The following KIZ variants were observed in gnomAD, a reference collection of about 807,000 sequenced individuals.
The protein encoded by KIZ is centrosomal protein kizuna.
Under a neutral mutation model 79.6 loss-of-function variants are expected in KIZ, and 68 were observed. The ratio of observed to expected loss-of-function variants is 0.85; its 90% CI spans 0.70 to 1.05. The LOEUF is 1.05. Ranked by LOEUF, KIZ falls within the 50% of genes least tolerant of loss-of-function variation. The pLI, the probability that KIZ is intolerant of heterozygous loss-of-function variation, is 0.00. For missense variants in KIZ, 797 were observed against 800.4 expected, an observed-to-expected ratio of 1.00 and a Z score of 0.05; for synonymous variants, 280 against 281.8, an observed-to-expected ratio of 0.99 and a Z score of 0.06.
chr20:21,240,620 C>T (rs1482487561), intron 11 of KIZ, among the ~76,000 whole-genome samples: 2 of 152,232 alleles, frequency 1.3e-5, no homozygotes, highest in African/African-American at 4.8e-5. Flanking sequence ...AAGGCAGGCT[C>T]TCTGGCTTGC....
intron 6 of KIZ, among the ~76,000 whole-genome samples, chr20:21,184,420 G>T (rs749896565): frequency 1.6e-4 from 24 of 152,212 alleles, no homozygotes; most frequent in Non-Finnish European, 2.9e-4. Context: ...AAAGGGCTGG[G>T]ATTACAGGCG....
At chr20:21,233,560 T>C (rs1212941370) in intron 11 of KIZ, among the ~76,000 whole-genome samples, 2 of 152,220 alleles carry the variant, frequency 1.3e-5, no homozygotes, top group Non-Finnish European at 2.9e-5. Context: ...GCAACTTTCC[T>C]TTTGGAACAG....
In KIZ at chr20:21,212,220, C is replaced by A. The variant is rs190953126; in HGVS notation, c.1447-2315C>A. On this transcript the variant is annotated intron_variant, in intron 7 of 12. Coordinates refer to ENST00000619189, the MANE Select transcript of KIZ (RefSeq NM_018474.6). ...GTGGAATTATCTTAAAAGATGTGTT[C>A]TTTTATAAACATTTCTATCAAAAAA... 1.6e-4 allele frequency among the ~76,000 whole-genome samples: 24 copies of A among 152,250 alleles called. No individual in the cohort carries two copies. In the East Asian group the frequency reaches 3.7e-3, roughly 23 times the overall value.
At chr20:21,194,652 G>A (rs112114419) in intron 6 of KIZ, 1 of 152,166 alleles carries the variant, frequency 6.6e-6, no homozygotes, top group Non-Finnish European at 1.5e-5. Flanking sequence ...TGATCACCCA[G>A]TACCAAGGGG....
chr20:21,205,543 G>C lies in KIZ; in HGVS notation c.1405G>C (p.Val469Leu). ...ACCGAGGGCACAGGTGGGTCAGCATGTTGCCACCTTGAAAGAACATGATAA... is the reference window on the plus strand; with the variant it reads ...ACCGAGGGCACAGGTGGGTCAGCATCTTGCCACCTTGAAAGAACATGATAA... ...DVPRAQVGQH[V>L]ATLKEHDNSV... The change falls in exon 7 of 13, where the codon GTT (valine) becomes CTT (leucine). Residue 469 changes from valine (V) to leucine (L), a missense_variant. Transcript: ENST00000619189. 6.4e-7 allele frequency: 1 copy of C among 1,570,118 alleles called. No homozygotes were observed. Among genetic ancestry groups the C allele is most frequent in the Non-Finnish European group, 8.7e-7 (1 of 1,151,098 alleles).
chr20:21,178,454 TATTA>T (rs763795731), intron 6 of KIZ, among the ~76,000 whole-genome samples: 31 of 151,456 alleles, frequency 2.0e-4, no homozygotes, highest in African/African-American at 6.0e-4. Flanking sequence ...TGAATTCATT[TATTA>T]ATTCTAACAG....
chr20:21,246,211 A>G (rs553379461), intron 12 of KIZ: 137 of 438,842 alleles, frequency 3.1e-4, no homozygotes, highest in African/African-American at 2.5e-3. Flanking sequence ...TCCCTATCCT[A>G]TAATAAAGAG....
chr20:21,188,600 T>G (rs1021475939), intron 6 of KIZ, among the ~76,000 whole-genome samples: 1 of 151,994 alleles, frequency 6.6e-6, no homozygotes, highest in Non-Finnish European at 1.5e-5. Flanking sequence ...CATTTTTTTT[T>G]TTTAGTAGAT....
chr20:21,170,623 C>G (rs566922249), intron 6 of KIZ, among the ~76,000 whole-genome samples: 1 of 152,132 alleles, frequency 6.6e-6, no homozygotes, highest in African/African-American at 2.4e-5. Flanking sequence ...CTCCTGACCT[C>G]GTGATCTGCC....
chr20:21,154,813 ACT>A (rs1462189638), intron 4 of KIZ, among the ~76,000 whole-genome samples: 4 of 152,210 alleles, frequency 2.6e-5, no homozygotes, highest in Non-Finnish European at 2.9e-5. Context: ...ATTAAAGAGT[ACT>A]CTGTTTCCTG....
intron 9 of KIZ, among the ~76,000 whole-genome samples, chr20:21,224,532 A>G (rs1166095886): frequency 1.3e-5 from 2 of 152,230 alleles, no homozygotes; most frequent in Non-Finnish European, 2.9e-5. Context: ...TTAACTTCAT[A>G]TAGAAATAGC....
chr20:21,141,248 G>A (rs79733715), intron 3 of KIZ, among the ~76,000 whole-genome samples: 2,286 of 152,176 alleles, frequency 0.015, 59 homozygotes, highest in African/African-American at 0.052. Flanking sequence ...GGATTTGACG[G>A]TAAGTGGTTG....
chr20:21,154,250 A>G (rs1044906317), intron 4 of KIZ: 1 of 152,224 alleles, frequency 6.6e-6, no homozygotes, highest in African/African-American at 2.4e-5. Flanking sequence ...TTTGCAAAAC[A>G]TGAAGTGTAA....
intron 6 of KIZ, among the ~76,000 whole-genome samples, chr20:21,200,532 A>G (rs1270002443): frequency 1.3e-5 from 2 of 151,926 alleles, no homozygotes; most frequent in East Asian, 3.9e-4. Context: ...ATGGGAGACA[A>G]TGACAGATCA....
intron 1 of KIZ, among the ~76,000 whole-genome samples, chr20:21,130,933 C>T (rs1344552449): frequency 6.6e-6 from 1 of 152,224 alleles, no homozygotes; most frequent in African/African-American, 2.4e-5. Context: ...AGGAAGCCAA[C>T]CTGAGATCAC....
intron 6 of KIZ, among the ~76,000 whole-genome samples, chr20:21,190,317 A>T (rs1412060801): frequency 6.6e-6 from 1 of 152,238 alleles, no homozygotes; most frequent in African/African-American, 2.4e-5. Flanking sequence ...AATGCTGCTT[A>T]ACAAAAGCTA....
At chr20:21,173,984 G>T (rs973028901) in intron 6 of KIZ, among the ~76,000 whole-genome samples, 8 of 151,958 alleles carry the variant, frequency 5.3e-5, no homozygotes, top group Non-Finnish European at 8.8e-5. Context: ...GGGTCAGGAA[G>T]ATCAGAAGGA....
intron 6 of KIZ, among the ~76,000 whole-genome samples, chr20:21,177,562 A>G (rs148567245): frequency 1.3e-5 from 2 of 152,146 alleles, no homozygotes; most frequent in Non-Finnish European, 1.5e-5. Context: ...TTCCTTTGCT[A>G]TGCAGAAACT....
chr20:21,151,461 A>G (rs2033110685), intron 4 of KIZ: 1 of 152,166 alleles, frequency 6.6e-6, no homozygotes, highest in Admixed American at 6.5e-5. Context: ...AGAGGTGCCT[A>G]TCGTGTAGTG....
Sources: gnomAD v4.1 joint callset for allele counts (sites outside exome capture counted in the v4.1 genomes callset) on GRCh38, gnomAD v4.1.1 for gene constraint, MANE v1.5 for transcripts, NCBI Gene and HGNC (gene_info 2026-07-23, HGNC 2026-07-21) for gene names.